The following KANK1 variants were observed in gnomAD, a reference collection of about 807,000 sequenced individuals.
The protein encoded by KANK1 is KN motif and ankyrin repeat domains 1, also known as KN motif and ankyrin repeat domain-containing protein 1.
A neutral mutation model predicts 106.2 loss-of-function variants in KANK1; 109 were observed. That is an observed-to-expected ratio of 1.03 (90% CI 0.88 to 1.20). KANK1 has a LOEUF of 1.20. Ranked by LOEUF, KANK1 falls within the 50% of genes most tolerant of loss-of-function variation. The pLI is 0.00. For missense variants in KANK1, 2,399 were observed against 1,710.7 expected (o/e 1.40, Z -7.10); for synonymous variants, 873 against 652.2 (o/e 1.34, Z -5.16).
chr9:641,121 G>C (rs1322177361), intron 1 of KANK1, among the ~76,000 whole-genome samples: 2 of 152,156 alleles, frequency 1.3e-5, no homozygotes, highest in Admixed American at 1.3e-4. Flanking sequence ...ATTTATACCA[G>C]TGATATACTT....
chr9:652,579 A>C lies in KANK1; in HGVS notation c.-83-24311A>C, dbSNP rs181991648. On this transcript the variant is annotated intron_variant, in intron 1 of 11. Coordinates refer to ENST00000382297, the MANE Select transcript of KANK1 (RefSeq NM_015158.5). ...GAAACAATCTAAATATTCAACAATA[A>C]AGGAAGGTCAAATGAGACAAAGATG... is the stretch of plus-strand genomic sequence containing the variant. Among the ~76,000 whole-genome samples the C allele has an allele frequency of 3.1e-3, 465 of 152,312 alleles. 3 individuals are homozygous for C. The highest frequency in any genetic ancestry group is 0.011 in the South Asian group (54 of 4,826).
chr9:645,012 T>C (rs1160653859), intron 1 of KANK1, among the ~76,000 whole-genome samples: 1 of 148,464 alleles, frequency 6.7e-6, no homozygotes, highest in African/African-American at 2.6e-5. Flanking sequence ...TAGTCCCAGC[T>C]ACTCTGGAGG....
chr9:671,011 T>A (rs1443486809), intron 1 of KANK1, among the ~76,000 whole-genome samples: 6 of 148,792 alleles, frequency 4.0e-5, no homozygotes, highest in African/African-American at 1.5e-4. Flanking sequence ...TGACCGATTC[T>A]CTTTCATGAG....
chr9:689,012 T>C (rs1016648044), intron 2 of KANK1, among the ~76,000 whole-genome samples: 1 of 152,212 alleles, frequency 6.6e-6, no homozygotes, highest in African/African-American at 2.4e-5. Context: ...TTATCCCTTA[T>C]TTACAGCCTT....
chr9:713,768 T>C (rs1323258), intron 3 of KANK1, among the ~76,000 whole-genome samples: 6 of 151,994 alleles, frequency 3.9e-5, no homozygotes, highest in Admixed American at 6.6e-5. Flanking sequence ...CTTTATTCTT[T>C]GTCTTTCAGT....
At position 738,268 on chromosome 9, in the gene KANK1, A is replaced by C; in HGVS notation, c.3334-17A>C. On this transcript the variant is annotated splice_polypyrimidine_tract_variant and intron_variant, in intron 7 of 11. Coordinates refer to ENST00000382297, the MANE Select transcript of KANK1 (RefSeq NM_015158.5). ...TCTATAAATAGAAGAACTAACGACC[A>C]CTTGGTGTTTTGGCAGAGGTTCTGT... 6.2e-7 allele frequency: 1 copy of C among 1,602,506 alleles called. No homozygotes were observed. Among genetic ancestry groups the C allele is most frequent in the Non-Finnish European group, 8.5e-7 (1 of 1,173,048 alleles).
chr9:668,257 T>TA (rs572025554), intron 1 of KANK1, among the ~76,000 whole-genome samples: 7 of 152,194 alleles, frequency 4.6e-5, no homozygotes, highest in Non-Finnish European at 1.0e-4. Flanking sequence ...TGTAGTTTGA[T>TA]ACAATGGTTT....
At chr9:731,447 G>C in intron 5 of KANK1, 181 bp downstream of exon 5, 4 of 491,718 alleles carry the variant, frequency 8.1e-6, no homozygotes, top group Non-Finnish European at 1.1e-5. Context: ...CTGTCTTTAA[G>C]GATTTGTCAC....
Position 712,087 on chromosome 9 carries a change from A to T in KANK1, c.1321A>T (p.Thr441Ser). The change falls in exon 3 of 12, where the codon ACA (threonine) becomes TCA (serine). Residue 441 changes from threonine (T) to serine (S), a missense_variant. By Grantham distance (58) the Thr-to-Ser change is moderately conservative. Coordinates refer to ENST00000382297, the MANE Select transcript of KANK1 (RefSeq NM_015158.5). ...VEMRNCGVSV[T>S]EAMLGVMTEA... ...GATGAGAAATTGTGGGGTCAGCGTG[A>T]CAGAGGCCATGCTTGGAGTGATGAC... The T allele has an allele frequency of 6.2e-7, 1 of 1,614,156 alleles. No homozygotes were observed. Among genetic ancestry groups the T allele is most frequent in the South Asian group, 1.1e-5 (1 of 91,086 alleles).
At chr9:560,732 CA>C (rs1816189509) in intron 1 of KANK1, among the ~76,000 whole-genome samples, 1 of 151,854 alleles carries the variant, frequency 6.6e-6, no homozygotes, top group African/African-American at 2.4e-5. Flanking sequence ...GTGTCTATCC[CA>C]TTGTTGGGAG....
At chr9:562,911 A>G (rs1236588699) in intron 1 of KANK1, among the ~76,000 whole-genome samples, 7 of 152,186 alleles carry the variant, frequency 4.6e-5, no homozygotes, top group Non-Finnish European at 1.0e-4. Flanking sequence ...TCATTGTTTT[A>G]TTAACACATT....
chr9:594,809 A>G (rs963526524), intron 1 of KANK1, among the ~76,000 whole-genome samples: 2 of 151,866 alleles, frequency 1.3e-5, no homozygotes, highest in Non-Finnish European at 2.9e-5. Flanking sequence ...AAAACCAAAT[A>G]TAAAAATCTG....
intron 1 of KANK1, among the ~76,000 whole-genome samples, chr9:517,761 C>G (rs1349913733): frequency 9.1e-5 from 12 of 131,972 alleles, no homozygotes; most frequent in Non-Finnish European, 1.7e-4. Context: ...TTTTTTGAGA[C>G]AGAGTCTCGC....
intron 2 of KANK1, among the ~76,000 whole-genome samples, chr9:690,934 C>T (rs1304018835): frequency 2.6e-5 from 4 of 152,210 alleles, no homozygotes; most frequent in African/African-American, 9.6e-5. Flanking sequence ...CTGTCAGAGG[C>T]CAAGCCTTGA....
chr9:609,393 C>G (rs951063469), intron 1 of KANK1, among the ~76,000 whole-genome samples: 4 of 152,076 alleles, frequency 2.6e-5, no homozygotes, highest in Non-Finnish European at 5.9e-5. Flanking sequence ...TTTGGGAGGC[C>G]GAGGAGGGCG....
At chr9:523,515 C>T (rs912121669) in intron 1 of KANK1, among the ~76,000 whole-genome samples, 11 of 151,794 alleles carry the variant, frequency 7.2e-5, no homozygotes, top group African/African-American at 2.7e-4. Flanking sequence ...TGCGTAGACT[C>T]TCTGTTGGCT....
At chr9:471,142 C>T (rs931988473) in intron 2 of KANK1, among the ~76,000 whole-genome samples, 5 of 152,186 alleles carry the variant, frequency 3.3e-5, no homozygotes, top group African/African-American at 9.7e-5. Context: ...GGGCACCTGC[C>T]CTGGATCTGA....
intron 2 of KANK1, chr9:680,856 C>A (rs1817412913): frequency 6.6e-6 from 1 of 152,338 alleles, no homozygotes; most frequent in African/African-American, 2.4e-5. Context: ...CGTAGTGTTA[C>A]CTCTTTTTCA....
intron 6 of KANK1, 118 bp downstream of exon 6, chr9:732,735 G>A: frequency 3.5e-6 from 4 of 1,134,276 alleles, no homozygotes; most frequent in East Asian, 2.4e-5. Context: ...TTCCTCAGAG[G>A]TATACACATC....
Sources: gnomAD v4.1 joint callset for allele counts (sites outside exome capture counted in the v4.1 genomes callset) on GRCh38, gnomAD v4.1.1 for gene constraint, MANE v1.5 for transcripts, NCBI Gene and HGNC (gene_info 2026-07-23, HGNC 2026-07-21) for gene names.